HSPA4: variants seen among roughly 807,000 people sequenced by gnomAD.
HSPA4 encodes the protein heat shock 70 kDa protein 4.
A neutral mutation model predicts 106.2 loss-of-function variants in HSPA4; 25 were observed. The ratio of observed to expected loss-of-function variants is 0.24; its 90% CI spans 0.17 to 0.33. The LOEUF is 0.33. HSPA4 is among the 10% of genes least tolerant of loss of function. The probability of loss-of-function intolerance (pLI) is 1.00; values close to 1 mark genes in which losing one functional copy is unlikely to be tolerated. For missense variants in HSPA4, 841 were observed against 996.0 expected (o/e 0.84, Z 2.10); for synonymous variants, 332 against 333.6 (o/e 1.00, Z 0.05).
rs189540848 is a variant in HSPA4, at chr5:133,103,810, C to T, written c.2158-55C>T. On this transcript the variant is annotated intron_variant, in intron 17 of 18. Transcript: ENST00000304858. The stretch of plus-strand genomic sequence containing the variant: ...AATGGCAGAAACTAGACAGTAGTTG[C>T]GGGGAGGGAGGGTATCACACTTTTA... 5,779 of 1,439,286 alleles carry T rather than the reference C, an allele frequency of 4.0e-3. 19 individuals carry two copies. Among genetic ancestry groups the T allele is most frequent in the Non-Finnish European group, 4.8e-3 (5,052 of 1,044,064 alleles). 89.2% of individuals were successfully genotyped at this position (1,439,286 alleles called of 1,614,324 possible).
Position 133,069,758 on chromosome 5 carries a change from A to T in HSPA4, c.307-616A>T, listed in dbSNP as rs114719780. On this transcript the variant is annotated intron_variant, in intron 3 of 18. Transcript: ENST00000304858. ...GTTTCTACCAGCAGCCTCTTTATGG[A>T]GGGACAGTGTGGGTCATGGTGAGCT... Among the ~76,000 whole-genome samples the T allele has an allele frequency of 2.5e-3, 378 of 152,312 alleles. 2 individuals carry two copies. The highest frequency in any genetic ancestry group is 8.5e-3 in the African/African-American group (355 of 41,548).
chr5:133,070,944 C>T (rs994761748), intron 4 of HSPA4, among the ~76,000 whole-genome samples: 1 of 152,014 alleles, frequency 6.6e-6, no homozygotes, highest in African/African-American at 2.4e-5. Context: ...CATTTTCTTA[C>T]TCTCTTCTGC....
chr5:133,067,234 A>G (rs965121981), intron 2 of HSPA4, among the ~76,000 whole-genome samples, 183 bp from the exon 3 acceptor site: 22 of 152,188 alleles, frequency 1.4e-4, no homozygotes. Flanking sequence ...GACCCATGCA[A>G]ATCCCTCCTC....
At chr5:133,072,301 G>A (rs1765391338) in intron 4 of HSPA4, among the ~76,000 whole-genome samples, 1 of 151,878 alleles carries the variant, frequency 6.6e-6, no homozygotes, top group African/African-American at 2.4e-5. Flanking sequence ...GCTTCCCAGA[G>A]TCAGCCTGTG....
At chr5:133,089,829 C>A in intron 11 of HSPA4, 134 bp downstream of exon 11, 1 of 547,230 alleles carries the variant, frequency 1.8e-6, no homozygotes, top group Non-Finnish European at 3.0e-6. Flanking sequence ...GCCTGGGCAA[C>A]ATAGTGGGAC....
chr5:133,100,955 G>A (rs551145549), intron 16 of HSPA4, among the ~76,000 whole-genome samples: 3 of 152,198 alleles, frequency 2.0e-5, no homozygotes, highest in South Asian at 2.1e-4. Context: ...ACAGCTGTGC[G>A]CCATCACGCC....
intron 3 of HSPA4, among the ~76,000 whole-genome samples, 181 bp from the exon 4 acceptor site, chr5:133,070,193 A>T (rs72801454): frequency 0.17 from 25,936 of 151,706 alleles, 2,745 homozygotes; most frequent in South Asian, 0.26. Context: ...ATAATAATAA[A>T]AAAAGAAGCT....
intron 1 of HSPA4, among the ~76,000 whole-genome samples, chr5:133,062,084 A>G (rs1204342636): frequency 6.6e-6 from 1 of 152,214 alleles, no homozygotes; most frequent in Non-Finnish European, 1.5e-5. Context: ...ACTTTATTCA[A>G]CTTGTGTTGA....
intron 6 of HSPA4, among the ~76,000 whole-genome samples, chr5:133,075,600 G>A (rs538406192): frequency 3.2e-4 from 49 of 152,126 alleles, no homozygotes; most frequent in African/African-American, 9.2e-4. Flanking sequence ...AGGCTGAGGT[G>A]GGGGGATTGC....
At chr5:133,095,762 T>C (rs965797911) in intron 13 of HSPA4, among the ~76,000 whole-genome samples, 3 of 152,204 alleles carry the variant, frequency 2.0e-5, no homozygotes, top group African/African-American at 7.2e-5. Context: ...CATTCAGTAG[T>C]GTTAAGTAGA....
Position 133,097,128 on chromosome 5 carries a change from A to G in HSPA4, c.1804-33A>G, listed in dbSNP as rs759165703. On this transcript the variant is annotated intron_variant, in intron 14 of 18. Transcript: ENST00000304858. ...TATTTAAGAGGAAATTAGTTGTCCT[A>G]ATGTCTGATTTATACATAATATTTA... 5 of 1,566,710 alleles carry G rather than the reference A, an allele frequency of 3.2e-6. No homozygotes were observed. The South Asian group carries it at 3.4e-5, about 11-fold the overall frequency.
chr5:133,104,288 C>T lies in HSPA4; in HGVS notation c.2375C>T (p.Pro792Leu). The stretch of plus-strand genomic sequence containing the variant: ...TCAAAGCCCAAACCCAAAGTGGAAC[C>T]TCCAAAAGAGGAACAAAAAAATGCA... ...IISKPKPKVE[P>L]PKEEQKNAEQ... is the part of the protein sequence containing the mutation. The change falls in exon 19 of 19, where the codon CCT becomes CTT. Residue 792 changes from proline to leucine, a missense_variant. This residue lies in a region of HSPA4 where 328 missense variants were observed against 372.2 expected (regional missense o/e 0.88). Coordinates refer to ENST00000304858, the MANE Select transcript of HSPA4 (RefSeq NM_002154.4). The T allele has an allele frequency of 6.2e-7, 1 of 1,614,094 alleles. No individual in the cohort carries two copies. The highest frequency in any genetic ancestry group is 1.1e-5 in the South Asian group (1 of 91,082).
At chr5:133,067,710 T>G (rs1009662150) in intron 3 of HSPA4, among the ~76,000 whole-genome samples, 153 bp downstream of exon 3, 39 of 152,170 alleles carry the variant, frequency 2.6e-4, no homozygotes, top group African/African-American at 8.9e-4. Flanking sequence ...ATTTGACAAT[T>G]TTTGAATGAT....
chr5:133,076,901 A>G lies in HSPA4; in HGVS notation c.908+3A>G, dbSNP rs1765452558. The G allele has an allele frequency of 6.2e-7, 1 of 1,604,840 alleles. No homozygotes were observed. Among genetic ancestry groups the G allele is most frequent in the Non-Finnish European group, 8.5e-7 (1 of 1,172,084 alleles). On this transcript the variant is annotated splice_donor_region_variant and intron_variant, in intron 7 of 18. Coordinates refer to ENST00000304858, the MANE Select transcript of HSPA4 (RefSeq NM_002154.4). ...GATGTATCTGGAACTATGAATAGGTAAGTATATTACTATTTCGATGTTAAA... is the reference window on the plus strand; with the variant it reads ...GATGTATCTGGAACTATGAATAGGTGAGTATATTACTATTTCGATGTTAAA...
At chr5:133,103,720 A>G in intron 17 of HSPA4, 145 bp from the exon 18 acceptor site, 2 of 632,604 alleles carry the variant, frequency 3.2e-6, no homozygotes, top group South Asian at 5.2e-5. Flanking sequence ...TTTCTTTTGA[A>G]TAATTCTGTT....
intron 1 of HSPA4, among the ~76,000 whole-genome samples, chr5:133,062,673 G>C (rs1765258620): frequency 6.6e-6 from 1 of 152,132 alleles, no homozygotes; most frequent in Non-Finnish European, 1.5e-5. Context: ...TGCTTTTGAG[G>C]GGCTACTCCC....
chr5:133,092,814 T>TTG, intron 13 of HSPA4, 25 bp downstream of exon 13: 1 of 690,556 alleles, frequency 1.4e-6, no homozygotes, highest in Admixed American at 3.8e-5. Flanking sequence ...GTGTTTTTTT[T>TTG]TTTTTTTTTT....
chr5:133,104,274 A>G lies in HSPA4; in HGVS notation c.2361A>G (p.Lys787=). The G allele has an allele frequency of 6.2e-7, 1 of 1,614,176 alleles. No homozygotes were observed. The highest frequency in any genetic ancestry group is 2.2e-5 in the East Asian group (1 of 44,884). The change falls in exon 19 of 19, where the codon AAA becomes AAG. Residue 787 remains lysine, a synonymous_variant. Coordinates refer to ENST00000304858, the MANE Select transcript of HSPA4 (RefSeq NM_002154.4). ...STCSPIISKP[K]PKVEPPKEEQ... ...GTAGCCCTATAATTTCAAAGCCCAA[A>G]CCCAAAGTGGAACCTCCAAAAGAGG... is the stretch of plus-strand genomic sequence containing the variant.
intron 1 of HSPA4, among the ~76,000 whole-genome samples, chr5:133,060,654 G>A (rs1024254295): frequency 6.6e-6 from 1 of 151,736 alleles, no homozygotes; most frequent in Non-Finnish European, 1.5e-5. Flanking sequence ...GAGCCAGCGC[G>A]CCTGGTGCTG....
Sources: allele counts gnomAD v4.1 joint callset (sites outside exome capture counted in the v4.1 genomes callset), GRCh38; gene constraint gnomAD v4.1.1; regional missense constraint gnomAD v4.1.1; transcripts MANE v1.5; gene names NCBI Gene and HGNC (gene_info 2026-07-23, HGNC 2026-07-21).